The following RANBP2 variants were observed in gnomAD, a reference collection of about 807,000 sequenced individuals.
RANBP2 encodes the protein E3 SUMO-protein ligase RanBP2.
A neutral mutation model predicts 303.6 loss-of-function variants in RANBP2; 57 were observed. The observed-to-expected ratio is 0.19, with a 90% CI of 0.15 to 0.23. The LOEUF is 0.23. RANBP2 is among the 10% of genes least tolerant of loss of function. The probability of loss-of-function intolerance (pLI) is 1.00; values close to 1 mark genes in which losing one functional copy is unlikely to be tolerated. For synonymous variants in RANBP2, 1,167 were observed against 1,301.5 expected, an observed-to-expected ratio of 0.90 and a Z score of 2.23; for missense variants, 3,138 against 3,780.8, an observed-to-expected ratio of 0.83 and a Z score of 4.46.
At chr2:109,178,415 T>A in the RANBP2 span, among the ~76,000 whole-genome samples, 2 of 152,100 alleles carry the variant, frequency 1.3e-5, no homozygotes, top group South Asian at 4.2e-4. Context: ...TTAGTTTCCT[T>A]TTTTTTATTG....
At chr2:109,015,748 A>G in the RANBP2 span, among the ~76,000 whole-genome samples, 1 of 152,032 alleles carries the variant, frequency 6.6e-6, no homozygotes, top group African/African-American at 2.4e-5. Context: ...ACAGAGCAAG[A>G]CTCTGTCTCA....
At chr2:109,046,877 G>A in the RANBP2 span, among the ~76,000 whole-genome samples, 10 of 151,962 alleles carry the variant, frequency 6.6e-5, no homozygotes, top group East Asian at 1.9e-4. Context: ...AGGGGAGCAG[G>A]AAAAGTAAGG....
the RANBP2 span, chr2:109,128,846 G>T: frequency 4.1e-6 from 1 of 245,994 alleles, no homozygotes; most frequent in South Asian, 3.4e-5. Flanking sequence ...CGCAGGAGAG[G>T]TTCCCCGGAG....
the RANBP2 span, among the ~76,000 whole-genome samples, chr2:108,871,624 A>G: frequency 6.6e-6 from 1 of 152,148 alleles, no homozygotes; most frequent in Non-Finnish European, 1.5e-5. Flanking sequence ...TACATTGTTT[A>G]TGTTGGTAAA....
chr2:108,876,143 C>T, the RANBP2 span: 7 of 1,609,420 alleles, frequency 4.3e-6, no homozygotes, highest in African/African-American at 9.4e-5. Flanking sequence ...TCAAGAAATA[C>T]AAAGGACAAC....
At chr2:109,571,383 T>C in the RANBP2 span, among the ~76,000 whole-genome samples, 1 of 152,184 alleles carries the variant, frequency 6.6e-6, no homozygotes, top group Non-Finnish European at 1.5e-5. Flanking sequence ...AACCTGGATG[T>C]TATAGCCTAT....
chr2:109,278,491 G>A, the RANBP2 span, among the ~76,000 whole-genome samples: 1 of 152,226 alleles, frequency 6.6e-6, no homozygotes, highest in Non-Finnish European at 1.5e-5. Context: ...GGTTGATGAT[G>A]AGGCACAAGG....
chr2:108,791,737 T>C, the RANBP2 span: 3 of 1,606,338 alleles, frequency 1.9e-6, no homozygotes, highest in East Asian at 2.2e-5. Context: ...GAAGAGTTAA[T>C]TGAAAATGAT....
the RANBP2 span, chr2:109,127,482 A>G: frequency 3.3e-5 from 5 of 152,264 alleles, no homozygotes; most frequent in Non-Finnish European, 7.3e-5. Flanking sequence ...GGATACAAAA[A>G]TGAAAATTCA....
chr2:109,044,321 C>G, the RANBP2 span, among the ~76,000 whole-genome samples: 1 of 151,930 alleles, frequency 6.6e-6, no homozygotes, highest in African/African-American at 2.4e-5. Flanking sequence ...GAGATTGAGA[C>G]CGTCCTGGCC....
At chr2:108,852,959 T>TA in the RANBP2 span, among the ~76,000 whole-genome samples, 1 of 152,192 alleles carries the variant, frequency 6.6e-6, no homozygotes, top group Non-Finnish European at 1.5e-5. Flanking sequence ...ACTGAGAGGA[T>TA]ATAGGCACAA....
the RANBP2 span, among the ~76,000 whole-genome samples, chr2:109,361,634 C>T: frequency 1.2e-4 from 18 of 151,994 alleles, no homozygotes; most frequent in Admixed American, 3.3e-4. Context: ...CCACCATGCC[C>T]GGCTAATTTT....
At chr2:109,684,396 A>G in the RANBP2 span, among the ~76,000 whole-genome samples, 1 of 151,070 alleles carries the variant, frequency 6.6e-6, no homozygotes, top group African/African-American at 2.4e-5. Flanking sequence ...ATGTGCCACC[A>G]CGGCCGGCTA....
the RANBP2 span, among the ~76,000 whole-genome samples, chr2:109,075,575 C>G: frequency 9.5e-5 from 1 of 10,568 alleles, no homozygotes; most frequent in Non-Finnish European, 2.1e-4. Context: ...TGCCCTTAGA[C>G]AAACAAAAAA....
At chr2:109,524,617 C>T in the RANBP2 span, among the ~76,000 whole-genome samples, 3 of 151,970 alleles carry the variant, frequency 2.0e-5, no homozygotes, top group South Asian at 2.1e-4. Context: ...ATTAGCCAGG[C>T]GTGGTGGAGC....
the RANBP2 span, among the ~76,000 whole-genome samples, chr2:108,935,010 A>G: frequency 6.6e-6 from 1 of 152,048 alleles, no homozygotes; most frequent in Non-Finnish European, 1.5e-5. Flanking sequence ...CTGTGAACAC[A>G]CTCTTTTGGA....
the RANBP2 span, among the ~76,000 whole-genome samples, chr2:109,742,791 G>A: frequency 2.7e-5 from 4 of 148,176 alleles, no homozygotes; most frequent in East Asian, 7.7e-4. Flanking sequence ...TCACTTATAA[G>A]TGAGAACATA....
the RANBP2 span, among the ~76,000 whole-genome samples, chr2:109,088,587 A>G: frequency 0.019 from 2,814 of 152,020 alleles, 36 homozygotes; most frequent in South Asian, 0.056. Context: ...ATCTTGGCTC[A>G]CTGCAATCTC....
chr2:108,858,462 A>C, the RANBP2 span, among the ~76,000 whole-genome samples: 1 of 152,196 alleles, frequency 6.6e-6, no homozygotes, highest in African/African-American at 2.4e-5. Context: ...AGTGATGCGA[A>C]AATTTTGGAA....
Sources: gnomAD v4.1 joint callset for allele counts (sites outside exome capture counted in the v4.1 genomes callset) on GRCh38, gnomAD v4.1.1 for gene constraint, MANE v1.5 for transcripts, NCBI Gene and HGNC (gene_info 2026-07-23, HGNC 2026-07-21) for gene names.